Variants in CNTNAP5 observed in about 807,000 individuals in gnomAD.
CNTNAP5 encodes the protein contactin associated protein family member 5, also known as contactin-associated protein-like 5.
In CNTNAP5, 72 loss-of-function variants were observed where a neutral mutation model predicts 150.2. That is an observed-to-expected ratio of 0.48 (90% CI 0.40 to 0.58). The LOEUF is 0.58. CNTNAP5 is among the 20% of genes least tolerant of loss of function. The probability of loss-of-function intolerance (pLI) is 0.00; values close to 1 mark genes in which losing one functional copy is unlikely to be tolerated. For synonymous variants in CNTNAP5, 672 were observed against 619.8 expected (o/e 1.08, Z -1.25); for missense variants, 1,636 against 1,626.2 (o/e 1.01, Z -0.10).
At chr2:124,246,663 G>A (rs1228898474) in intron 3 of CNTNAP5, among the ~76,000 whole-genome samples, 9 of 152,046 alleles carry the variant, frequency 5.9e-5, no homozygotes, top group African/African-American at 1.2e-4. Flanking sequence ...GAAGAAACAT[G>A]TACTGTTCAT....
chr2:124,682,319 G>A (rs766471984), intron 13 of CNTNAP5, among the ~76,000 whole-genome samples: 18 of 152,132 alleles, frequency 1.2e-4, no homozygotes, highest in Admixed American at 2.6e-4. Context: ...ATGTGCTGTC[G>A]TTTTGGTCAT....
In CNTNAP5 at chr2:124,713,318, C is replaced by CCTTCCTTTCTTTCTTTCTTT. The variant is rs1402534251; in HGVS notation, c.2078-33908_2078-33907insCCTTTCTTTCTTTCTTTCTT. ...CTTTCTTTCTTCTTTCTCTTTCTTT[C>CCTTCCTTTCTTTCTTTCTTT]CTTTCTTTCTTTCTTTCTTTCTTTC... On this transcript the variant is annotated intron_variant, in intron 13 of 23. Coordinates refer to ENST00000682447, the MANE Select transcript of CNTNAP5 (RefSeq NM_001367498.1). 5.5e-4 allele frequency among the ~76,000 whole-genome samples: 24 copies of CCTTCCTTTCTTTCTTTCTTT among 43,966 alleles called. 3 individuals are homozygous for CCTTCCTTTCTTTCTTTCTTT. The highest frequency in any genetic ancestry group is 8.8e-4 in the Admixed American group (3 of 3,398). 28.8% of individuals were successfully genotyped at this position (43,966 alleles called of 152,430 possible).
chr2:124,743,490 C>G (rs1680541625), intron 13 of CNTNAP5, among the ~76,000 whole-genome samples: 1 of 152,124 alleles, frequency 6.6e-6, no homozygotes, highest in Non-Finnish European at 1.5e-5. Flanking sequence ...CTATGTGAAC[C>G]TTCTTTTTTG....
chr2:124,490,717 C>T (rs1197392390), intron 7 of CNTNAP5, among the ~76,000 whole-genome samples: 2 of 151,664 alleles, frequency 1.3e-5, no homozygotes, highest in African/African-American at 4.8e-5. Context: ...TTAAGGCATC[C>T]CAGATTTTTA....
intron 11 of CNTNAP5, among the ~76,000 whole-genome samples, chr2:124,588,172 C>A: frequency 1.0e-5 from 1 of 99,908 alleles, no homozygotes; most frequent in African/African-American, 3.4e-5. Flanking sequence ...TTCCTTCCTT[C>A]CTTCCTTCTT....
chr2:124,042,913 A>G (rs780905647), intron 1 of CNTNAP5, among the ~76,000 whole-genome samples: 1 of 152,166 alleles, frequency 6.6e-6, no homozygotes, highest in Non-Finnish European at 1.5e-5. Flanking sequence ...GTGACTCAGG[A>G]AAGGCCATGA....
At chr2:124,471,365 C>A (rs1250937370) in intron 6 of CNTNAP5, among the ~76,000 whole-genome samples, 1 of 151,976 alleles carries the variant, frequency 6.6e-6, no homozygotes, top group African/African-American at 2.4e-5. Flanking sequence ...TGGCTCTTGG[C>A]TTGCCTGTTG....
intron 19 of CNTNAP5, among the ~76,000 whole-genome samples, chr2:124,817,126 T>C (rs897015197): frequency 2.0e-5 from 3 of 152,180 alleles, no homozygotes; most frequent in Non-Finnish European, 4.4e-5. Context: ...AATTGATAAA[T>C]CTCACAAAGT....
chr2:124,347,714 T>C (rs1335314362), intron 3 of CNTNAP5, among the ~76,000 whole-genome samples: 2 of 152,170 alleles, frequency 1.3e-5, no homozygotes, highest in Non-Finnish European at 2.9e-5. Context: ...CAGACATAGC[T>C]CTTTGTGGCC....
At chr2:124,708,871 A>G (rs1679748633) in intron 13 of CNTNAP5, among the ~76,000 whole-genome samples, 1 of 152,100 alleles carries the variant, frequency 6.6e-6, no homozygotes, top group African/African-American at 2.4e-5. Context: ...ATCTTTGGTG[A>G]AATCTTACCT....
chr2:124,646,666 A>G lies in CNTNAP5; in HGVS notation c.1877-1092A>G, dbSNP rs531245399. On this transcript the variant is annotated intron_variant, in intron 12 of 23. Coordinates refer to ENST00000682447, the MANE Select transcript of CNTNAP5 (RefSeq NM_001367498.1). ...AAATGTTTTAGCCTAGGTTATTACT[A>G]CAGAGTGTCTGATACATCCCAGATA... Among the ~76,000 whole-genome samples the G allele has an allele frequency of 2.6e-5, 4 of 152,334 alleles. No individual in the cohort carries two copies. The South Asian group carries it at 6.2e-4, about 24-fold the overall frequency.
chr2:124,225,249 A>G (rs988652485), intron 2 of CNTNAP5, among the ~76,000 whole-genome samples: 2 of 152,126 alleles, frequency 1.3e-5, no homozygotes, highest in Non-Finnish European at 2.9e-5. Context: ...CACCAATTCT[A>G]TACTCACAAC....
At chr2:124,896,548 G>C (rs1165703637) in intron 21 of CNTNAP5, among the ~76,000 whole-genome samples, 1 of 147,648 alleles carries the variant, frequency 6.8e-6, no homozygotes, top group Non-Finnish European at 1.5e-5. Context: ...TTTTTTTTTT[G>C]GTTTCTTTTG....
chr2:124,719,929 A>G (rs1680017081), intron 13 of CNTNAP5, among the ~76,000 whole-genome samples: 1 of 152,134 alleles, frequency 6.6e-6, no homozygotes, highest in South Asian at 2.1e-4. Flanking sequence ...GTAGTAGATG[A>G]TTTATTTTGC....
intron 13 of CNTNAP5, among the ~76,000 whole-genome samples, chr2:124,674,509 C>CTCTTTCTTTCTTTCTTTCTTTCTT (rs768888927): frequency 1.5e-4 from 17 of 115,456 alleles, no homozygotes; most frequent in East Asian, 5.2e-4. Flanking sequence ...TTCTTTCTTT[C>CTCTTTCTTTCTTTCTTTCTTTCTT]TCTTTCTTTC....
intron 19 of CNTNAP5, among the ~76,000 whole-genome samples, chr2:124,833,180 G>T (rs1452445440): frequency 6.6e-6 from 1 of 152,128 alleles, no homozygotes; most frequent in Non-Finnish European, 1.5e-5. Context: ...AAAGTGTTGA[G>T]ATTGCAGGCA....
intron 1 of CNTNAP5, among the ~76,000 whole-genome samples, chr2:124,149,703 A>T (rs1030600488): frequency 6.6e-6 from 1 of 152,252 alleles, no homozygotes; most frequent in East Asian, 1.9e-4. Context: ...GAATAGCAAC[A>T]GTCAGGCTGC....
intron 19 of CNTNAP5, among the ~76,000 whole-genome samples, chr2:124,843,563 T>C (rs1009537009): frequency 1.3e-5 from 2 of 152,170 alleles, no homozygotes; most frequent in Non-Finnish European, 2.9e-5. Flanking sequence ...GATCTACTTT[T>C]AGTTCTTTAA....
intron 2 of CNTNAP5, among the ~76,000 whole-genome samples, chr2:124,222,333 T>C (rs921890594): frequency 1.3e-5 from 2 of 152,088 alleles, no homozygotes; most frequent in African/African-American, 4.8e-5. Context: ...CTGTGTGAAG[T>C]AAGAGCACCT....
Sources: allele counts gnomAD v4.1 joint callset (sites outside exome capture counted in the v4.1 genomes callset), GRCh38; gene constraint gnomAD v4.1.1; transcripts MANE v1.5; gene names NCBI Gene and HGNC (gene_info 2026-07-23, HGNC 2026-07-21).